RUNDC3B: variants seen among roughly 807,000 people sequenced by gnomAD.
RUNDC3B encodes the protein RUN domain containing 3B.
RUNDC3B carries 33 observed loss-of-function variants against 58.4 expected under a neutral mutation model. The ratio of observed to expected loss-of-function variants is 0.56; its 90% confidence interval spans 0.43 to 0.75. The LOEUF is 0.75. Ranked by LOEUF, RUNDC3B falls within the 30% of genes least tolerant of loss-of-function variation. The pLI is 0.00. For synonymous variants in RUNDC3B, 193 were observed against 195.2 expected (o/e 0.99, Z 0.10); for missense variants, 501 against 535.7 (o/e 0.94, Z 0.64).
At chr7:87,653,301 G>C (rs1407726905) in intron 2 of RUNDC3B, among the ~76,000 whole-genome samples, 2 of 152,000 alleles carry the variant, frequency 1.3e-5, no homozygotes, top group Non-Finnish European at 1.5e-5. Flanking sequence ...AAAAGCCACT[G>C]CAAAAGCTGG....
chr7:87,713,556 T>C (rs985870931), intron 4 of RUNDC3B, among the ~76,000 whole-genome samples: 1 of 151,736 alleles, frequency 6.6e-6, no homozygotes, highest in Non-Finnish European at 1.5e-5. Context: ...CTCGAAGAGT[T>C]ACATGGCTTA....
chr7:87,709,809 G>A (rs975056014), intron 3 of RUNDC3B, among the ~76,000 whole-genome samples: 8 of 152,054 alleles, frequency 5.3e-5, no homozygotes, highest in African/African-American at 1.7e-4. Context: ...TGAAAGAGTT[G>A]AGTGAAAATG....
Position 87,628,490 on chromosome 7 carries a change from A to C in RUNDC3B, c.-334A>C, listed in dbSNP as rs866372707. On this transcript the variant is annotated 5_prime_UTR_variant, in exon 1 of 11. Coordinates refer to ENST00000394654, the MANE Select transcript of RUNDC3B (RefSeq NM_001134405.2). ...GGGCTCGCGCGCGCGCCGTCTGCTGAGGTCCCTCGGGAAGGAGGAGAGCGC... is the reference window on the plus strand; with the variant it reads ...GGGCTCGCGCGCGCGCCGTCTGCTGCGGTCCCTCGGGAAGGAGGAGAGCGC... 39 of 205,688 alleles carry C rather than the reference A, an allele frequency of 1.9e-4. No homozygotes were observed. Among genetic ancestry groups the C allele is most frequent in the African/African-American group, 8.6e-4 (37 of 43,016 alleles). The allele number at this position is 205,688 out of a possible 1,614,324, so 12.7% of individuals were successfully genotyped here.
At chr7:87,734,294 TGTGTGTCTATATCCATACA>T (rs1831786798) in intron 4 of RUNDC3B, among the ~76,000 whole-genome samples, 2 of 152,144 alleles carry the variant, frequency 1.3e-5, no homozygotes, top group East Asian at 3.9e-4. Context: ...CCTAGGTGCA[TGTGTGTCTATATCCATACA>T]GTGGAATGTT....
intron 4 of RUNDC3B, among the ~76,000 whole-genome samples, chr7:87,725,776 C>T (rs899019672): frequency 3.9e-5 from 6 of 152,136 alleles, no homozygotes; most frequent in East Asian, 3.9e-4. Context: ...TTTTAATAAT[C>T]GCCATTCTAA....
intron 10 of RUNDC3B, among the ~76,000 whole-genome samples, chr7:87,829,223 G>A (rs1838002063): frequency 6.6e-6 from 1 of 151,970 alleles, no homozygotes; most frequent in Admixed American, 6.6e-5. Context: ...GACATTTGTT[G>A]GATGCAGAGT....
intron 10 of RUNDC3B, among the ~76,000 whole-genome samples, chr7:87,827,956 C>T (rs1006259914): frequency 6.6e-6 from 1 of 152,022 alleles, no homozygotes; most frequent in African/African-American, 2.4e-5. Flanking sequence ...AGTTCCTGAC[C>T]ATTCTGGGCA....
intron 4 of RUNDC3B, among the ~76,000 whole-genome samples, chr7:87,718,336 T>C (rs989873426): frequency 1.3e-5 from 2 of 152,104 alleles, no homozygotes; most frequent in African/African-American, 4.8e-5. Flanking sequence ...TATTAGGGGA[T>C]AGTCAGGAGG....
At chr7:87,709,561 A>G in intron 3 of RUNDC3B, 1 of 972,162 alleles carries the variant, frequency 1.0e-6, no homozygotes, top group South Asian at 4.8e-5. Flanking sequence ...TTTTCTTCCC[A>G]GTAGTACTGC....
At chr7:87,768,107 A>G (rs1162577314) in intron 6 of RUNDC3B, among the ~76,000 whole-genome samples, 3 of 152,132 alleles carry the variant, frequency 2.0e-5, no homozygotes, top group Non-Finnish European at 1.5e-5. Context: ...TTTAGTGGAG[A>G]ATAGTACTGT....
chr7:87,645,968 T>G (rs956901558), intron 1 of RUNDC3B, among the ~76,000 whole-genome samples: 6 of 152,222 alleles, frequency 3.9e-5, no homozygotes, highest in Non-Finnish European at 8.8e-5. Context: ...TTACTGACTT[T>G]GATATAATAG....
Position 87,687,752 on chromosome 7 carries a change from T to G in RUNDC3B, c.239-12669T>G, listed in dbSNP as rs549115771. On this transcript the variant is annotated intron_variant, in intron 2 of 10. Coordinates refer to ENST00000394654, the MANE Select transcript of RUNDC3B (RefSeq NM_001134405.2). Reference sequence around the variant, plus strand: ...CATTTTAGAATTTCTCTAATCCAATTGAACTGTTATGATACCTAAGCATTG... The same window carrying G: ...CATTTTAGAATTTCTCTAATCCAATGGAACTGTTATGATACCTAAGCATTG... 3.9e-5 allele frequency among the ~76,000 whole-genome samples: 6 copies of G among 152,294 alleles called. No individual in the cohort carries two copies. In the South Asian group the frequency reaches 1.2e-3, roughly 32 times the overall value.
At chr7:87,736,877 A>G (rs1160224624) in intron 4 of RUNDC3B, among the ~76,000 whole-genome samples, 16 of 34,050 alleles carry the variant, frequency 4.7e-4, no homozygotes, top group African/African-American at 2.2e-3. Flanking sequence ...ATATATATAT[A>G]TATATATATA....
At chr7:87,779,273 T>A (rs1344001629) in intron 8 of RUNDC3B, among the ~76,000 whole-genome samples, 1 of 152,224 alleles carries the variant, frequency 6.6e-6, no homozygotes, top group Non-Finnish European at 1.5e-5. Context: ...GGATTGTGTT[T>A]GCATGTGGTT....
At chr7:87,630,820 G>GTAA (rs1217460061) in intron 1 of RUNDC3B, among the ~76,000 whole-genome samples, 2 of 151,804 alleles carry the variant, frequency 1.3e-5, no homozygotes, top group East Asian at 3.9e-4. Context: ...TTTAGGTCAT[G>GTAA]TAATGATCAT....
Position 87,676,521 on chromosome 7 carries a change from TG to T in RUNDC3B, c.239-23898del, listed in dbSNP as rs368105034. ...TTCAAGACAACCAGCCTGGCCAACA[TG>T]GTGAAACCCCATCTCTACTGAAAAC... On this transcript the variant is annotated intron_variant, in intron 2 of 10. Coordinates refer to ENST00000394654, the MANE Select transcript of RUNDC3B (RefSeq NM_001134405.2). Among the ~76,000 whole-genome samples the T allele has an allele frequency of 1.4e-4, 22 of 151,864 alleles. No homozygotes were observed. The East Asian group carries it at 4.1e-3, about 28-fold the overall frequency.
At chr7:87,705,032 A>T (rs1423952428) in intron 3 of RUNDC3B, among the ~76,000 whole-genome samples, 1 of 152,234 alleles carries the variant, frequency 6.6e-6, no homozygotes, top group Non-Finnish European at 1.5e-5. Flanking sequence ...ATACAAGTAC[A>T]CTTGTATCAC....
chr7:87,712,383 G>A (rs1041862501), intron 4 of RUNDC3B, among the ~76,000 whole-genome samples: 1 of 151,930 alleles, frequency 6.6e-6, no homozygotes, highest in African/African-American at 2.4e-5. Flanking sequence ...AGGATACTAA[G>A]GCTTTGAAAA....
chr7:87,648,297 A>T (rs1823231701), intron 1 of RUNDC3B, among the ~76,000 whole-genome samples: 1 of 152,076 alleles, frequency 6.6e-6, no homozygotes, highest in African/African-American at 2.4e-5. Flanking sequence ...GAATGTGCAC[A>T]TTTCTCCTGT....
Sources: allele counts gnomAD v4.1 joint callset (sites outside exome capture counted in the v4.1 genomes callset), GRCh38; gene constraint gnomAD v4.1.1; transcripts MANE v1.5; gene names NCBI Gene and HGNC (gene_info 2026-07-23, HGNC 2026-07-21).